Variants in RSRC1 observed in about 807,000 individuals in gnomAD.
RSRC1 encodes arginine and serine rich coiled-coil 1.
RSRC1 carries 39 observed loss-of-function variants against 49.1 expected under a neutral mutation model. The observed-to-expected ratio is 0.79, with a 90% CI of 0.61 to 1.04. The LOEUF is 1.04. RSRC1 is among the 50% of genes least tolerant of loss of function. The pLI is 0.00. For missense variants in RSRC1, 388 were observed against 402.4 expected, an observed-to-expected ratio of 0.96 and a Z score of 0.31; for synonymous variants, 143 against 130.8, an observed-to-expected ratio of 1.09 and a Z score of -0.63.
intron 6 of RSRC1, among the ~76,000 whole-genome samples, chr3:158,357,102 A>G (rs990161521): frequency 6.6e-6 from 1 of 152,200 alleles, no homozygotes; most frequent in Non-Finnish European, 1.5e-5. Context: ...TAAATACTCA[A>G]GTTTTTAAGT....
chr3:158,373,786 G>GT (rs934285218), intron 6 of RSRC1, among the ~76,000 whole-genome samples: 6 of 151,864 alleles, frequency 4.0e-5, no homozygotes, highest in African/African-American at 4.8e-5. Context: ...GAAGCTTTTG[G>GT]TTTTTTGTCA....
chr3:158,439,378 G>A (rs976247269), intron 6 of RSRC1, among the ~76,000 whole-genome samples: 6 of 151,916 alleles, frequency 3.9e-5, no homozygotes, highest in South Asian at 2.1e-4. Context: ...TGTTTATTGC[G>A]GCACTATTCA....
chr3:158,532,231 ATAT>A (rs1206270568), intron 7 of RSRC1, among the ~76,000 whole-genome samples: 1 of 151,902 alleles, frequency 6.6e-6, no homozygotes, highest in African/African-American at 2.4e-5. Context: ...AATTCATAAA[ATAT>A]TAGTATTTAA....
intron 7 of RSRC1, among the ~76,000 whole-genome samples, chr3:158,480,510 T>A (rs538974281): frequency 6.6e-6 from 1 of 152,170 alleles, no homozygotes; most frequent in African/African-American, 2.4e-5. Flanking sequence ...AAATTTGGTT[T>A]TTTCTAATTT....
At chr3:158,389,182 C>A (rs1733139983) in intron 6 of RSRC1, among the ~76,000 whole-genome samples, 2 of 152,142 alleles carry the variant, frequency 1.3e-5, no homozygotes, top group Non-Finnish European at 2.9e-5. Context: ...ATACAGATTT[C>A]TCTACTGATC....
At chr3:158,520,199 C>G (rs1275385200) in intron 7 of RSRC1, among the ~76,000 whole-genome samples, 1 of 151,954 alleles carries the variant, frequency 6.6e-6, no homozygotes, top group Non-Finnish European at 1.5e-5. Flanking sequence ...TTAAATTGGC[C>G]CATTCTATTT....
intron 4 of RSRC1, among the ~76,000 whole-genome samples, chr3:158,220,015 T>G (rs980672551): frequency 6.6e-6 from 1 of 151,628 alleles, no homozygotes; most frequent in Admixed American, 6.6e-5. Context: ...AGACCTGCCT[T>G]TAAGTCCAAC....
intron 3 of RSRC1, among the ~76,000 whole-genome samples, chr3:158,130,490 G>C (rs1005167669): frequency 1.3e-5 from 2 of 152,022 alleles, no homozygotes; most frequent in African/African-American, 4.8e-5. Flanking sequence ...TTGGATTTTG[G>C]ATTTTTTCAG....
At chr3:158,230,028 C>T (rs1464202397) in intron 4 of RSRC1, among the ~76,000 whole-genome samples, 4 of 152,108 alleles carry the variant, frequency 2.6e-5, no homozygotes, top group African/African-American at 4.8e-5. Flanking sequence ...ACCTAGGATG[C>T]GATCTAGGAT....
chr3:158,333,839 C>A (rs1339193729), intron 5 of RSRC1, among the ~76,000 whole-genome samples: 2 of 152,114 alleles, frequency 1.3e-5, no homozygotes, highest in African/African-American at 4.8e-5. Flanking sequence ...ACACCATTCC[C>A]TTTCCAGCAG....
rs1422515854 is a variant in RSRC1 at position 158,409,813 on chromosome 3, T to G, written c.584-51122T>G. On this transcript the variant is annotated intron_variant, in intron 6 of 9. Transcript: ENST00000611884. ...GAAAGCAAAAATTAGAAAAAACCAT[T>G]AGAATAATAAAAGAGGGCATATGAA... Among the ~76,000 whole-genome samples, 3 of 152,068 alleles carry G rather than the reference T, an allele frequency of 2.0e-5. No individual in the cohort carries two copies. The East Asian group carries it at 5.8e-4, about 29-fold the overall frequency.
intron 1 of RSRC1, among the ~76,000 whole-genome samples, chr3:158,119,678 T>A (rs1405124097): frequency 6.7e-6 from 1 of 149,764 alleles, no homozygotes; most frequent in African/African-American, 2.5e-5. Flanking sequence ...ATAATGGATA[T>A]ATGTATATAT....
intron 3 of RSRC1, among the ~76,000 whole-genome samples, chr3:158,150,242 C>T (rs1022809293): frequency 6.6e-6 from 1 of 152,028 alleles, no homozygotes; most frequent in Non-Finnish European, 1.5e-5. Flanking sequence ...TTAGACTTGC[C>T]AGTTATTTTA....
intron 7 of RSRC1, among the ~76,000 whole-genome samples, chr3:158,470,572 T>G (rs1469700017): frequency 6.6e-6 from 1 of 152,106 alleles, no homozygotes; most frequent in Non-Finnish European, 1.5e-5. Context: ...TGTTCCAGTA[T>G]AATTTAGTTG....
chr3:158,468,743 G>A (rs1397661204), intron 7 of RSRC1, among the ~76,000 whole-genome samples: 2 of 152,038 alleles, frequency 1.3e-5, no homozygotes, highest in Admixed American at 6.6e-5. Flanking sequence ...TACCTTCACA[G>A]CATCTTAATT....
chr3:158,231,423 A>C (rs1012991613), intron 4 of RSRC1, among the ~76,000 whole-genome samples: 1 of 152,004 alleles, frequency 6.6e-6, no homozygotes, highest in Non-Finnish European at 1.5e-5. Context: ...GGTGTGAGCT[A>C]CCATGCCCGA....
chr3:158,462,976 A>C (rs1270252517), intron 7 of RSRC1, among the ~76,000 whole-genome samples: 1 of 152,022 alleles, frequency 6.6e-6, no homozygotes, highest in African/African-American at 2.4e-5. Flanking sequence ...CAGAGGACTT[A>C]ATATCCACAA....
At chr3:158,349,691 CTTTT>C (rs775736592) in intron 5 of RSRC1, among the ~76,000 whole-genome samples, 7 of 74,850 alleles carry the variant, frequency 9.4e-5, no homozygotes, top group South Asian at 1.1e-3. Context: ...TCTTACTGCC[CTTTT>C]TTTTTTTTTT....
chr3:158,329,140 A>C (rs12330339), intron 5 of RSRC1, among the ~76,000 whole-genome samples: 1 of 152,160 alleles, frequency 6.6e-6, no homozygotes, highest in African/African-American at 2.4e-5. Flanking sequence ...CCATTCATCT[A>C]ATCTTTTTTC....
Sources: allele counts gnomAD v4.1 joint callset (sites outside exome capture counted in the v4.1 genomes callset), GRCh38; gene constraint gnomAD v4.1.1; transcripts MANE v1.5; gene names NCBI Gene and HGNC (gene_info 2026-07-23, HGNC 2026-07-21).